The following AKAP6 variants were observed in gnomAD, a reference collection of about 807,000 sequenced individuals.
The protein encoded by AKAP6 is A-kinase anchoring protein 6.
Under a neutral mutation model 188.5 loss-of-function variants are expected in AKAP6, and 58 were observed. The ratio of observed to expected loss-of-function variants is 0.31; its 90% CI spans 0.25 to 0.38. The LOEUF (loss-of-function observed/expected upper bound fraction) is 0.38, where lower values mean the gene tolerates loss of function less well. Ranked by LOEUF, AKAP6 falls within the 10% of genes least tolerant of loss-of-function variation. The pLI is 1.00. For missense variants in AKAP6, 2,710 were observed against 2,740.0 expected (o/e 0.99, Z 0.24); for synonymous variants, 989 against 998.6 (o/e 0.99, Z 0.18).
rs1883943456 is a variant in AKAP6 at position 32,561,216 on chromosome 14, T to C, written c.2346+14217T>C. ...GAAACTACAAAGAGCAAAGGGGTCA[T>C]TGTAAATCTAAAGGCTACATAAATA... On this transcript the variant is annotated intron_variant, in intron 4 of 13. Transcript: ENST00000280979. Among the ~76,000 whole-genome samples, 3 of 152,292 alleles carry C rather than the reference T, an allele frequency of 2.0e-5. No individual in the cohort carries two copies. In the South Asian group the frequency reaches 6.2e-4, roughly 32 times the overall value.
intron 4 of AKAP6, among the ~76,000 whole-genome samples, chr14:32,553,289 G>A (rs2139181371): frequency 1.3e-5 from 2 of 151,674 alleles, no homozygotes; most frequent in South Asian, 4.2e-4. Context: ...TCCTGCCTCA[G>A]CCTCCCCAGT....
chr14:32,786,296 A>ATTTTTTTTTTTTTTTTTTTTTT, intron 12 of AKAP6, among the ~76,000 whole-genome samples: 1 of 93,706 alleles, frequency 1.1e-5, no homozygotes, highest in African/African-American at 4.1e-5. Context: ...CTAAACCTTT[A>ATTTTTTTTTTTTTTTTTTTTTT]TCTTTTTTTT....
intron 9 of AKAP6, among the ~76,000 whole-genome samples, chr14:32,716,530 C>T (rs1030463634): frequency 6.7e-6 from 1 of 149,498 alleles, no homozygotes; most frequent in African/African-American, 2.4e-5. Context: ...TTAGTATATA[C>T]TACATATATA....
intron 1 of AKAP6, among the ~76,000 whole-genome samples, chr14:32,405,143 C>CCAGAGGG (rs1566485835): frequency 1.3e-5 from 2 of 151,982 alleles, no homozygotes; most frequent in Non-Finnish European, 2.9e-5. Flanking sequence ...CAATCAGAAG[C>CCAGAGGG]CAGAGGGCAG....
At chr14:32,469,823 A>G (rs1326075238) in intron 2 of AKAP6, among the ~76,000 whole-genome samples, 1 of 152,112 alleles carries the variant, frequency 6.6e-6, no homozygotes, top group Non-Finnish European at 1.5e-5. Flanking sequence ...TTCCAAAATG[A>G]AAGATTATGC....
At chr14:32,501,416 A>G (rs1472513566) in intron 2 of AKAP6, among the ~76,000 whole-genome samples, 2 of 152,136 alleles carry the variant, frequency 1.3e-5, no homozygotes, top group African/African-American at 4.8e-5. Context: ...GACAAGGAAA[A>G]GAGAGTACAT....
intron 1 of AKAP6, chr14:32,403,529 T>C (rs1333081138): frequency 6.6e-6 from 1 of 152,230 alleles, no homozygotes; most frequent in Non-Finnish European, 1.5e-5. Flanking sequence ...GTTAGATGTA[T>C]GTGCTCAGAG....
chr14:32,373,169 C>T (rs773038815), intron 1 of AKAP6, among the ~76,000 whole-genome samples: 9 of 152,010 alleles, frequency 5.9e-5, no homozygotes, highest in Non-Finnish European at 1.3e-4. Flanking sequence ...GCCGATTCAT[C>T]AGGACAGGGG....
chr14:32,812,095 ACT>A (rs1359075225), intron 12 of AKAP6, among the ~76,000 whole-genome samples: 3 of 152,130 alleles, frequency 2.0e-5, no homozygotes, highest in Non-Finnish European at 4.4e-5. Context: ...GGGGTATAAA[ACT>A]CACATGTTAT....
chr14:32,534,081 A>G (rs1345282875), intron 2 of AKAP6, among the ~76,000 whole-genome samples: 1 of 152,202 alleles, frequency 6.6e-6, no homozygotes. Context: ...AGCACAATTT[A>G]TCATTCTTCA....
intron 9 of AKAP6, among the ~76,000 whole-genome samples, chr14:32,700,315 C>T (rs1223826645): frequency 6.6e-6 from 1 of 152,130 alleles, no homozygotes; most frequent in African/African-American, 2.4e-5. Flanking sequence ...CGAAGTTGGT[C>T]TGGAATTCCA....
rs1406574989 is a variant in AKAP6, at chr14:32,545,415, C to G, written c.762C>G (p.Asp254Glu). 6.2e-7 allele frequency: 1 copy of G among 1,614,214 alleles called. No homozygotes were observed. The highest frequency in any genetic ancestry group is 2.2e-5 in the East Asian group (1 of 44,880). The change falls in exon 4 of 14, where the codon GAC becomes GAG. Residue 254 changes from aspartate to glutamate, a missense_variant. This residue lies in a region of AKAP6 where 237 missense variants were observed against 313.9 expected (regional missense o/e 0.76). Transcript: ENST00000280979. ...GCCAAGTCAAAACCAAACCCTTTGA[C>G]TCTTGGAGCTACAGTGAGATGGAAA... ...TSSQVKTKPF[D>E]SWSYSEMEKE... is the part of the protein sequence containing the mutation.
At chr14:32,667,362 A>G (rs148235726) in intron 7 of AKAP6, among the ~76,000 whole-genome samples, 1 of 152,172 alleles carries the variant, frequency 6.6e-6, no homozygotes, top group Non-Finnish European at 1.5e-5. Flanking sequence ...ATGGTTCCCT[A>G]CTGACACACT....
intron 11 of AKAP6, among the ~76,000 whole-genome samples, chr14:32,744,804 C>T (rs577432041): frequency 6.6e-6 from 1 of 152,074 alleles, no homozygotes; most frequent in South Asian, 2.1e-4. Flanking sequence ...TGTTTTTATT[C>T]CTTTTTCTGT....
intron 7 of AKAP6, among the ~76,000 whole-genome samples, chr14:32,604,375 G>A (rs1886053069): frequency 6.6e-6 from 1 of 152,034 alleles, no homozygotes; most frequent in Non-Finnish European, 1.5e-5. Flanking sequence ...CCACAATCTT[G>A]GCTGAATTTT....
In AKAP6 at chr14:32,379,983, C is replaced by T. The variant is rs116416046; in HGVS notation, c.-35+50575C>T. ...TATCACATCTTGGAGATGACCACAG[C>T]TGCCTTCTCTCTGGCTACTTCCTTA... On this transcript the variant is annotated intron_variant, in intron 1 of 13. Coordinates refer to ENST00000280979, the MANE Select transcript of AKAP6 (RefSeq NM_004274.5). 5.2e-3 allele frequency among the ~76,000 whole-genome samples: 796 copies of T among 152,310 alleles called. 4 individuals are homozygous for T. The highest frequency in any genetic ancestry group is 0.018 in the African/African-American group (765 of 41,568).
At chr14:32,434,192 T>C (rs1447887935) in intron 2 of AKAP6, among the ~76,000 whole-genome samples, 1 of 152,212 alleles carries the variant, frequency 6.6e-6, no homozygotes, top group Non-Finnish European at 1.5e-5. Context: ...AGTATTTGTA[T>C]GTGACTGTTA....
intron 12 of AKAP6, among the ~76,000 whole-genome samples, chr14:32,788,839 G>T (rs896966330): frequency 4.6e-5 from 7 of 152,138 alleles, no homozygotes; most frequent in South Asian, 2.1e-4. Context: ...CCTAGGAAGG[G>T]TGCTGAATTC....
chr14:32,555,191 C>A (rs1034198399), intron 4 of AKAP6, among the ~76,000 whole-genome samples: 21 of 152,132 alleles, frequency 1.4e-4, no homozygotes, highest in Admixed American at 9.2e-4. Context: ...TGTAAAATTG[C>A]AATCAAGTAT....
Sources: allele counts gnomAD v4.1 joint callset (sites outside exome capture counted in the v4.1 genomes callset), GRCh38; gene constraint gnomAD v4.1.1; regional missense constraint gnomAD v4.1.1; transcripts MANE v1.5; gene names NCBI Gene and HGNC (gene_info 2026-07-23, HGNC 2026-07-21).